BLTP1: variants seen among roughly 807,000 people sequenced by gnomAD.
BLTP1 encodes bridge-like lipid transfer protein family member 1.
the BLTP1 span, chr4:122,224,549 G>C: frequency 6.2e-7 from 1 of 1,613,960 alleles, no homozygotes; most frequent in South Asian, 1.1e-5. Flanking sequence ...CAATTTGTCA[G>C]GTCTCCAGCT....
chr4:122,298,509 A>T, the BLTP1 span: 1 of 249,562 alleles, frequency 4.0e-6, no homozygotes, highest in Non-Finnish European at 6.4e-6. Context: ...AGAAATTGCA[A>T]CCGTATCTTA....
the BLTP1 span, chr4:122,207,670 C>T: frequency 1.4e-6 from 2 of 1,465,868 alleles, no homozygotes; most frequent in South Asian, 1.2e-5. Flanking sequence ...ATTTATTCCA[C>T]AGGTGTATTA....
chr4:122,360,635 G>A, the BLTP1 span, among the ~76,000 whole-genome samples: 1 of 152,150 alleles, frequency 6.6e-6, no homozygotes, highest in African/African-American at 2.4e-5. Flanking sequence ...TAGGCAGAAA[G>A]TACTGACTTG....
chr4:122,189,423 G>A, the BLTP1 span: 2 of 982,760 alleles, frequency 2.0e-6, no homozygotes, highest in South Asian at 9.4e-5. Flanking sequence ...AGTTCACGAT[G>A]TTTGCTCTAG....
chr4:122,315,730 AC>A, the BLTP1 span: 1 of 1,583,006 alleles, frequency 6.3e-7, no homozygotes, highest in Non-Finnish European at 8.7e-7. Context: ...ATTGGCTTTT[AC>A]CCTGAGACAG....
At chr4:122,213,449 T>C in the BLTP1 span, among the ~76,000 whole-genome samples, 1 of 151,182 alleles carries the variant, frequency 6.6e-6, no homozygotes, top group South Asian at 2.1e-4. Flanking sequence ...TATATTCAAA[T>C]TCATATATGA....
At chr4:122,346,699 A>G in the BLTP1 span, 5 of 1,613,452 alleles carry the variant, frequency 3.1e-6, no homozygotes, top group Admixed American at 1.7e-5. Context: ...TTCCAAGAGC[A>G]TGGTATAGAA....
chr4:122,270,286 T>A, the BLTP1 span: 2 of 875,724 alleles, frequency 2.3e-6, no homozygotes, highest in South Asian at 1.1e-4. Flanking sequence ...TTTCTTTTTG[T>A]TACAGAAAAA....
chr4:122,305,289 A>G, the BLTP1 span: 2 of 973,442 alleles, frequency 2.1e-6, no homozygotes, highest in Non-Finnish European at 1.2e-6. Context: ...TGCTAACATT[A>G]CTCAGTTCTT....
the BLTP1 span, chr4:122,325,267 C>T: frequency 1.9e-6 from 3 of 1,608,868 alleles, no homozygotes; most frequent in Non-Finnish European, 1.7e-6. Context: ...CCCAGAAATC[C>T]GTGTGGATGC....
the BLTP1 span, chr4:122,152,358 C>G: frequency 9.1e-6 from 9 of 985,874 alleles, no homozygotes; most frequent in Non-Finnish European, 1.1e-5. Context: ...CGGTTGGGAC[C>G]CCTCCCCTCC....
the BLTP1 span, chr4:122,187,589 A>G: frequency 1.4e-6 from 2 of 1,401,172 alleles, no homozygotes; most frequent in Non-Finnish European, 9.7e-7. Flanking sequence ...TATGATTTTA[A>G]TGTAAGAAAA....
chr4:122,190,433 C>G, the BLTP1 span: 1 of 976,554 alleles, frequency 1.0e-6, no homozygotes, highest in Non-Finnish European at 1.2e-6. Flanking sequence ...AGCTACAATT[C>G]TATTTCTTCT....
At chr4:122,175,757 G>T in the BLTP1 span, 1 of 794,856 alleles carries the variant, frequency 1.3e-6, no homozygotes, top group Non-Finnish European at 2.1e-6. Context: ...GTATTTCCTT[G>T]TTCATTATCA....
At chr4:122,215,591 A>T in the BLTP1 span, 1 of 984,528 alleles carries the variant, frequency 1.0e-6, no homozygotes, top group Non-Finnish European at 1.2e-6. Flanking sequence ...GCCTACTGCA[A>T]ACTTTGTGAA....
the BLTP1 span, chr4:122,152,562 G>C: frequency 2.0e-6 from 2 of 985,740 alleles, no homozygotes; most frequent in African/African-American, 1.7e-5. Flanking sequence ...GAGGGATTTC[G>C]GGCTGCCTCG....
At chr4:122,276,656 G>C in the BLTP1 span, 1 of 961,126 alleles carries the variant, frequency 1.0e-6, no homozygotes, top group Non-Finnish European at 1.2e-6. Context: ...TATAATGTTA[G>C]AAATGATTCA....
At chr4:122,360,551 T>C in the BLTP1 span, among the ~76,000 whole-genome samples, 2 of 152,216 alleles carry the variant, frequency 1.3e-5, no homozygotes, top group African/African-American at 4.8e-5. Context: ...TTAGATAAGG[T>C]TTTTATTCAG....
chr4:122,169,068 G>A, the BLTP1 span, among the ~76,000 whole-genome samples: 1 of 151,992 alleles, frequency 6.6e-6, no homozygotes, highest in Non-Finnish European at 1.5e-5. Context: ...CTGCCCCCAT[G>A]CCCTGAGTAG....
Sources: allele counts gnomAD v4.1 joint callset (sites outside exome capture counted in the v4.1 genomes callset), GRCh38; gene constraint gnomAD v4.1.1; transcripts MANE v1.5; gene names NCBI Gene and HGNC (gene_info 2026-07-23, HGNC 2026-07-21).